The following SH2D6 variants were observed in gnomAD, a reference collection of about 807,000 sequenced individuals.
SH2D6 encodes SH2 domain containing 6.
A neutral mutation model predicts 30.2 loss-of-function variants in SH2D6; 31 were observed. The ratio of observed to expected loss-of-function variants is 1.03; its 90% CI spans 0.77 to 1.38. SH2D6 has a LOEUF of 1.38. Ranked by LOEUF, SH2D6 falls within the 40% of genes most tolerant of loss-of-function variation. The probability of loss-of-function intolerance (pLI) is 0.00; values close to 1 mark genes in which losing one functional copy is unlikely to be tolerated. For missense variants in SH2D6, 240 were observed against 266.8 expected, an observed-to-expected ratio of 0.90 and a Z score of 0.70; for synonymous variants, 93 against 104.6, an observed-to-expected ratio of 0.89 and a Z score of 0.68.
At chr2:85,427,376 T>G (rs1455694849) in intron 6 of SH2D6, among the ~76,000 whole-genome samples, 2 of 152,252 alleles carry the variant, frequency 1.3e-5, no homozygotes, top group East Asian at 3.9e-4. Flanking sequence ...AATCTGCCTG[T>G]GTGACAACAT....
At chr2:85,435,890 AG>A (rs1689398227) in intron 22 of SH2D6, 66 bp downstream of exon 22, 1 of 1,453,794 alleles carries the variant, frequency 6.9e-7, no homozygotes, top group Admixed American at 2.7e-5. Context: ...CCTAGCCAAG[AG>A]CATTTGCCTA....
In SH2D6 at chr2:85,435,808, G is replaced by A. The variant is rs1335353484; in HGVS notation, c.875G>A (p.Gly292Asp). 1.3e-6 allele frequency: 2 copies of A among 1,595,774 alleles called. No individual in the cohort carries two copies. The highest frequency in any genetic ancestry group is 2.3e-5 in the East Asian group (1 of 44,180). ...GGRHYALGREGRNREELFSSV... is the reference protein window; with the variant it reads ...GGRHYALGREDRNREELFSSV... ...CGCCACTATGCCCTGGGCCGGGAGG[G>A]CAGGAACCGTGAGGAGGTGGGAGCT... Residue 292 changes from glycine to aspartate, a missense_variant, in exon 22 of 24, where the codon GGC becomes GAC. Physicochemically the swap from Gly to Asp is moderately conservative, Grantham distance 94. Transcript: ENST00000469800.
chr2:85,434,666 T>G (rs1689191093), intron 19 of SH2D6, 169 bp downstream of exon 19: 1 of 1,295,270 alleles, frequency 7.7e-7, no homozygotes, highest in Middle Eastern at 2.8e-4. Context: ...TCAGCATGAA[T>G]GCAGGTGGTC....
rs1442385265 is a variant in SH2D6 at position 85,422,446 on chromosome 2, T to C, written c.-448T>C. 1 of 152,210 alleles carries C rather than the reference T, an allele frequency of 6.6e-6. No individual in the cohort carries two copies. Among genetic ancestry groups the C allele is most frequent in the African/African-American group, 2.4e-5 (1 of 41,456 alleles). 9.4% of individuals were successfully genotyped at this position (152,210 alleles called of 1,614,324 possible). On this transcript the variant is annotated 5_prime_UTR_variant, in exon 4 of 24. It removes an upstream start codon present in the reference 5' UTR. Transcript: ENST00000469800. ...TTCCTTAAGTCAACAGGACACAGAA[T>C]GGTCTGCCTGGGCCTCAGTCACATT...
intron 5 of SH2D6, among the ~76,000 whole-genome samples, chr2:85,425,096 C>T (rs974972538): frequency 2.6e-5 from 4 of 151,794 alleles, no homozygotes; most frequent in Non-Finnish European, 5.9e-5. Context: ...TAAATAGTCC[C>T]AACACTATAC....
intron 16 of SH2D6, 138 bp downstream of exon 16, chr2:85,433,769 C>A: frequency 1.4e-6 from 1 of 725,478 alleles, no homozygotes; most frequent in Non-Finnish European, 2.1e-6. Flanking sequence ...CCTTCAGTCA[C>A]CGCATGGACA....
chr2:85,424,583 C>G (rs561576609), intron 5 of SH2D6, among the ~76,000 whole-genome samples: 1 of 152,014 alleles, frequency 6.6e-6, no homozygotes, highest in East Asian at 1.9e-4. Flanking sequence ...GACCTCATGT[C>G]TACAAAAAAT....
chr2:85,429,022 G>A (rs1319589711), intron 7 of SH2D6, among the ~76,000 whole-genome samples: 1 of 152,174 alleles, frequency 6.6e-6, no homozygotes, highest in Non-Finnish European at 1.5e-5. Context: ...CGCTTCCCTC[G>A]CCTTCATCTC....
intron 6 of SH2D6, 119 bp downstream of exon 6, chr2:85,425,526 C>G (rs528720566): frequency 6.6e-6 from 1 of 152,202 alleles, no homozygotes; most frequent in Admixed American, 6.5e-5. Flanking sequence ...CCGCAGCCTC[C>G]CAAAGTGTTG....
rs965710508 is a variant in SH2D6 at position 85,430,984 on chromosome 2, C to T, written c.251-226C>T. On this transcript the variant is annotated intron_variant, in intron 12 of 23. Transcript: ENST00000469800. This position sits in a 1 kb window ranked among gnomAD's most constrained non-coding sequence, Gnocchi z 4.3. ...AAGGGCGGGGGTGCTGGGAGAGCCC[C>T]GGCTGCCGCTGGCATCCCACCCCCA... Among the ~76,000 whole-genome samples, 88 of 151,702 alleles carry T rather than the reference C, an allele frequency of 5.8e-4. No homozygotes were observed. The highest frequency in any genetic ancestry group is 3.3e-4 in the Admixed American group (5 of 15,264).
chr2:85,433,904 G>A (rs1444627029), intron 16 of SH2D6, 129 bp from the exon 17 acceptor site: 1 of 861,868 alleles, frequency 1.2e-6, no homozygotes, highest in African/African-American at 1.7e-5. Flanking sequence ...CCTCTGGTTG[G>A]AAGCACTCCC....
chr2:85,434,111 G>C lies in SH2D6; in HGVS notation c.533G>C (p.Arg178Thr). The C allele has an allele frequency of 1.9e-6, 3 of 1,550,458 alleles. No individual in the cohort carries two copies. The South Asian group carries it at 3.6e-5, about 18-fold the overall frequency. ...CTGCCCAGGACATCAGTGGTGCCCA[G>C]GTAAGTGCCCCACCAGGTGTGCACC... is the stretch of plus-strand genomic sequence containing the variant. ...GPLPRTSVVP[R>T]PTTAPQETRN... The change falls in exon 17 of 24, where the codon AGG becomes ACG. Residue 178 changes from arginine to threonine, a missense_variant and splice_region_variant. By Grantham distance (71) the Arg-to-Thr change is moderately conservative. Coordinates refer to ENST00000469800, the MANE Select transcript of SH2D6 (RefSeq NM_001394463.1).
intron 14 of SH2D6, among the ~76,000 whole-genome samples, chr2:85,432,385 A>AT (rs957243584): frequency 1.8e-4 from 27 of 148,476 alleles, no homozygotes; most frequent in African/African-American, 5.0e-4. Context: ...TTATTTATTT[A>AT]TTTTTTTTGT....
rs1689116022 is a variant in SH2D6 at position 85,434,230 on chromosome 2, A to G, written c.534-110A>G. ...GGATGGAATCTCCTTGCACTGTCCC[A>G]TGGTTGTTGGCAGTGGTGGCAGGGG... On this transcript the variant is annotated intron_variant, in intron 17 of 23. Coordinates refer to ENST00000469800, the MANE Select transcript of SH2D6 (RefSeq NM_001394463.1). 7 of 1,511,406 alleles carry G rather than the reference A, an allele frequency of 4.6e-6. No individual in the cohort carries two copies. The South Asian group carries it at 8.7e-5, about 19-fold the overall frequency. 93.6% of individuals were successfully genotyped at this position (1,511,406 alleles called of 1,614,324 possible).
intron 13 of SH2D6, among the ~76,000 whole-genome samples, chr2:85,431,544 G>A (rs1349405576): frequency 6.6e-6 from 1 of 152,134 alleles, no homozygotes; most frequent in Non-Finnish European, 1.5e-5. Flanking sequence ...GAGGGGCTCA[G>A]CTGCCCTTCC....
At chr2:85,428,470 G>C (rs1688249548) in intron 6 of SH2D6, 114 bp from the exon 7 acceptor site, 2 of 152,154 alleles carry the variant, frequency 1.3e-5, no homozygotes, top group Non-Finnish European at 2.9e-5. Context: ...TTAGAGATAG[G>C]GTCTTTAGGG....
intron 17 of SH2D6, 96 bp downstream of exon 17, chr2:85,434,207 A>G: frequency 6.6e-7 from 1 of 1,521,942 alleles, no homozygotes; most frequent in Non-Finnish European, 8.9e-7. Flanking sequence ...TGACCCTGGG[A>G]TGGAATCTCC....
intron 2 of SH2D6, chr2:85,421,429 G>A (rs11678613): frequency 0.25 from 38,620 of 152,204 alleles, 5,364 homozygotes; most frequent in Non-Finnish European, 0.32. Flanking sequence ...GGCAAGACAC[G>A]GGCCTTTCAG....
At chr2:85,421,211 G>A (rs748532395) in intron 2 of SH2D6, among the ~76,000 whole-genome samples, 1 of 152,140 alleles carries the variant, frequency 6.6e-6, no homozygotes, top group African/African-American at 2.4e-5. Context: ...GGCCGCTCCC[G>A]CTAAGGAAGG....
Sources: allele counts gnomAD v4.1 joint callset (sites outside exome capture counted in the v4.1 genomes callset), GRCh38; gene constraint gnomAD v4.1.1; non-coding constraint Gnocchi (gnomAD v3.1); transcripts MANE v1.5; gene names NCBI Gene and HGNC (gene_info 2026-07-23, HGNC 2026-07-21).